Variants in IMMP2L observed in about 807,000 individuals in gnomAD.
The protein encoded by IMMP2L is mitochondrial inner membrane protease subunit 2.
IMMP2L carries 18 observed loss-of-function variants against 19.3 expected under a neutral mutation model. The ratio of observed to expected loss-of-function variants is 0.93; its 90% CI spans 0.64 to 1.38. The LOEUF (loss-of-function observed/expected upper bound fraction) is 1.38. Ranked by LOEUF, IMMP2L falls within the 40% of genes most tolerant of loss-of-function variation. The pLI, the probability that IMMP2L is intolerant of heterozygous loss-of-function variation, is 0.00. For missense variants in IMMP2L, 233 were observed against 218.2 expected, an observed-to-expected ratio of 1.07 and a Z score of -0.43; for synonymous variants, 76 against 73.0, an observed-to-expected ratio of 1.04 and a Z score of -0.21.
At chr7:111,501,072 T>TA (rs1844190968) in intron 2 of IMMP2L, among the ~76,000 whole-genome samples, 1 of 151,832 alleles carries the variant, frequency 6.6e-6, no homozygotes, top group African/African-American at 2.4e-5. Flanking sequence ...TTAAAAACTT[T>TA]GAAAAAAAAT....
intron 4 of IMMP2L, among the ~76,000 whole-genome samples, chr7:110,888,972 A>G (rs545886262): frequency 6.6e-6 from 1 of 152,230 alleles, no homozygotes; most frequent in Non-Finnish European, 1.5e-5. Context: ...ACTGCCATAA[A>G]GGCAGAATAA....
chr7:110,771,013 G>C (rs564848043), intron 5 of IMMP2L, among the ~76,000 whole-genome samples: 1 of 152,262 alleles, frequency 6.6e-6, no homozygotes, highest in East Asian at 1.9e-4. Context: ...GAATTCACCT[G>C]CCCAAGGCCT....
chr7:110,756,259 G>A (rs1798038468), intron 5 of IMMP2L, among the ~76,000 whole-genome samples: 1 of 152,062 alleles, frequency 6.6e-6, no homozygotes, highest in Non-Finnish European at 1.5e-5. Context: ...GAAGCCACCA[G>A]TGATGCCCAG....
At chr7:111,243,306 T>G (rs1179057907) in intron 3 of IMMP2L, among the ~76,000 whole-genome samples, 1 of 152,060 alleles carries the variant, frequency 6.6e-6, no homozygotes, top group Non-Finnish European at 1.5e-5. Context: ...AAAACTCTTG[T>G]AGAATTAAAA....
intron 5 of IMMP2L, among the ~76,000 whole-genome samples, chr7:110,850,334 A>G (rs1806074674): frequency 1.3e-5 from 2 of 152,116 alleles, no homozygotes; most frequent in Admixed American, 1.3e-4. Context: ...TGCAATGACA[A>G]TGACCCAGAA....
At chr7:111,284,437 A>G (rs1214860963) in intron 3 of IMMP2L, among the ~76,000 whole-genome samples, 1 of 152,156 alleles carries the variant, frequency 6.6e-6, no homozygotes, top group East Asian at 1.9e-4. Flanking sequence ...GAGAGGGAGT[A>G]GGACTGAGAA....
In IMMP2L at chr7:111,365,671, T is replaced by C. The variant is rs1354474183; in HGVS notation, c.239+121567A>G. On this transcript the variant is annotated intron_variant, in intron 3 of 5. Transcript: ENST00000405709. ...AATCAACTTACAGGGCAAATAAACC[T>C]AGCACTCAGATCTTGTTGAAACCGA... Among the ~76,000 whole-genome samples the C allele has an allele frequency of 2.0e-5, 3 of 152,100 alleles. No homozygotes were observed. In the East Asian group the frequency reaches 5.8e-4, roughly 29 times the overall value.
chr7:111,331,682 C>T (rs1403524836), intron 3 of IMMP2L, among the ~76,000 whole-genome samples: 1 of 151,684 alleles, frequency 6.6e-6, no homozygotes, highest in Non-Finnish European at 1.5e-5. Flanking sequence ...TAAATTTATA[C>T]AATTATAAAT....
At chr7:111,047,706 G>A (rs1201092381) in intron 3 of IMMP2L, among the ~76,000 whole-genome samples, 1 of 151,968 alleles carries the variant, frequency 6.6e-6, no homozygotes, top group Non-Finnish European at 1.5e-5. Context: ...AGACAGACTT[G>A]GTCTAGAGAC....
intron 3 of IMMP2L, among the ~76,000 whole-genome samples, chr7:111,470,932 C>A (rs866752452): frequency 2.6e-5 from 4 of 151,278 alleles, no homozygotes; most frequent in Non-Finnish European, 5.9e-5. Flanking sequence ...AAGGAACCAG[C>A]AAAGCATACA....
chr7:110,693,343 G>A (rs1456416968), intron 5 of IMMP2L, among the ~76,000 whole-genome samples: 2 of 152,132 alleles, frequency 1.3e-5, no homozygotes, highest in African/African-American at 4.8e-5. Flanking sequence ...TATTTCATTA[G>A]CCCCCTAAAT....
rs1309876653 is a variant in IMMP2L, at chr7:110,877,511, T to A, written c.408+9082A>T. ...AAAAAAATGACAGCCTGTGCCAAAA[T>A]ACAAAAATGCAAAACCAAATGGTGA... is the stretch of plus-strand genomic sequence containing the variant. On this transcript the variant is annotated intron_variant, in intron 5 of 5. Transcript: ENST00000405709. The surrounding 1 kb of genome is among the most constrained non-coding windows in gnomAD (Gnocchi z 4.0). 2.0e-5 allele frequency among the ~76,000 whole-genome samples: 3 copies of A among 152,008 alleles called. No homozygotes were observed. Among genetic ancestry groups the A allele is most frequent in the Non-Finnish European group, 4.4e-5 (3 of 67,996 alleles).
intron 3 of IMMP2L, among the ~76,000 whole-genome samples, chr7:111,480,208 C>T (rs1015826187): frequency 1.8e-4 from 28 of 151,718 alleles, no homozygotes; most frequent in African/African-American, 6.0e-4. Flanking sequence ...CTCAGCCTCC[C>T]GAGTAGCTGG....
rs2130455989 is a variant in IMMP2L, at chr7:111,275,922, A to G, written c.239+211316T>C. Among the ~76,000 whole-genome samples the G allele has an allele frequency of 1.3e-5, 2 of 152,238 alleles. 1 individual carries two copies. The highest frequency in any genetic ancestry group is 4.1e-4 in the South Asian group (2 of 4,826). On this transcript the variant is annotated intron_variant, in intron 3 of 5. Coordinates refer to ENST00000405709, the MANE Select transcript of IMMP2L (RefSeq NM_032549.4). ...TGAAACTTTACTGAATCCATTGATC[A>G]ATTCTAAGAGTTGTTCAGTGGAGTC...
chr7:111,089,206 C>T (rs1796604283), intron 3 of IMMP2L, among the ~76,000 whole-genome samples: 1 of 151,992 alleles, frequency 6.6e-6, no homozygotes, highest in Admixed American at 6.6e-5. Flanking sequence ...ATTTCTGAAA[C>T]AGACTGAAAT....
chr7:111,352,632 C>G (rs761833813), intron 3 of IMMP2L, among the ~76,000 whole-genome samples: 9 of 152,052 alleles, frequency 5.9e-5, no homozygotes, highest in Non-Finnish European at 1.3e-4. Flanking sequence ...TCAGTAATTT[C>G]TGCATATGCT....
At chr7:111,417,996 G>T (rs938189452) in intron 3 of IMMP2L, among the ~76,000 whole-genome samples, 19 of 151,854 alleles carry the variant, frequency 1.3e-4, no homozygotes, top group African/African-American at 4.4e-4. Context: ...GTACAGGAAA[G>T]TCCAATTTAT....
intron 5 of IMMP2L, among the ~76,000 whole-genome samples, chr7:110,809,799 T>C (rs1235131732): frequency 1.3e-5 from 2 of 152,044 alleles, no homozygotes; most frequent in African/African-American, 4.8e-5. Flanking sequence ...AAGCAATTCA[T>C]TAGGCAAAAT....
chr7:111,505,203 G>C (rs1844755008), intron 2 of IMMP2L, among the ~76,000 whole-genome samples: 1 of 151,616 alleles, frequency 6.6e-6, no homozygotes, highest in Non-Finnish European at 1.5e-5. Context: ...CATTTATGCA[G>C]CCAAAAAACA....
Sources: gnomAD v4.1 joint callset for allele counts (sites outside exome capture counted in the v4.1 genomes callset) on GRCh38, gnomAD v4.1.1 for gene constraint, Gnocchi (gnomAD v3.1) non-coding constraint, MANE v1.5 for transcripts, NCBI Gene and HGNC (gene_info 2026-07-23, HGNC 2026-07-21) for gene names.